The following MACROH2A2 variants were observed in gnomAD, a reference collection of about 807,000 sequenced individuals.
MACROH2A2 encodes the protein macroH2A.2 histone.
MACROH2A2 carries 6 observed loss-of-function variants against 37.6 expected under a neutral mutation model. The ratio of observed to expected loss-of-function variants is 0.16; its 90% confidence interval spans 0.09 to 0.32. The LOEUF (loss-of-function observed/expected upper bound fraction) is 0.32, where lower values mean the gene tolerates loss of function less well. Ranked by LOEUF, MACROH2A2 falls within the 10% of genes least tolerant of loss-of-function variation. The pLI is 1.00. For missense variants in MACROH2A2, 290 were observed against 485.9 expected, an observed-to-expected ratio of 0.60 and a Z score of 3.79; for synonymous variants, 192 against 202.7, an observed-to-expected ratio of 0.95 and a Z score of 0.45.
rs1017527106 is a variant in MACROH2A2, at chr10:70,091,973, T to C, written c.477+19T>C. On this transcript the variant is annotated intron_variant, in intron 4 of 8. Transcript: ENST00000373255. Reference sequence around the variant, plus strand: ...CAAAAAGGTAGGCCGAGGCTGCGTGTCCTGGGCCAGGCACTCCCACTGCAA... The same window carrying C: ...CAAAAAGGTAGGCCGAGGCTGCGTGCCCTGGGCCAGGCACTCCCACTGCAA... The C allele has an allele frequency of 3.1e-6, 5 of 1,599,032 alleles. No homozygotes were observed. The African/African-American group carries it at 5.4e-5, about 17-fold the overall frequency.
intron 7 of MACROH2A2, among the ~76,000 whole-genome samples, chr10:70,101,027 C>G (rs1234444683): frequency 6.6e-6 from 1 of 152,146 alleles, no homozygotes; most frequent in Non-Finnish European, 1.5e-5. Context: ...ACACAGAAAC[C>G]CTGTTGGGTT....
chr10:70,083,690 G>C lies in MACROH2A2; in HGVS notation c.173-6370G>C, dbSNP rs77149196. Among the ~76,000 whole-genome samples the C allele has an allele frequency of 8.3e-3, 1,252 of 151,408 alleles. 10 individuals carry two copies. The highest frequency in any genetic ancestry group is 0.028 in the African/African-American group (1,150 of 41,174). ...ACTGGCTAGCCCCAGGTTCACATGTGATCATGATGCCAGAGCCACAGTGTC... is the reference window on the plus strand; with the variant it reads ...ACTGGCTAGCCCCAGGTTCACATGTCATCATGATGCCAGAGCCACAGTGTC... On this transcript the variant is annotated intron_variant, in intron 2 of 8. Coordinates refer to ENST00000373255, the MANE Select transcript of MACROH2A2 (RefSeq NM_018649.3).
intron 6 of MACROH2A2, among the ~76,000 whole-genome samples, chr10:70,097,026 T>A (rs945912962): frequency 2.0e-5 from 3 of 152,154 alleles, no homozygotes; most frequent in Non-Finnish European, 4.4e-5. Flanking sequence ...GTAATGAAAT[T>A]TTTATGTAAG....
intron 1 of MACROH2A2, among the ~76,000 whole-genome samples, chr10:70,054,621 G>C (rs2072003075): frequency 6.6e-6 from 1 of 152,218 alleles, no homozygotes; most frequent in Non-Finnish European, 1.5e-5. Flanking sequence ...CTTCGTGTGT[G>C]TTGTTTTGAA....
intron 1 of MACROH2A2, among the ~76,000 whole-genome samples, chr10:70,066,695 A>G (rs2072080836): frequency 1.3e-5 from 2 of 152,188 alleles, no homozygotes; most frequent in Admixed American, 6.5e-5. Flanking sequence ...TGGATCCTAT[A>G]TTTGTGAATT....
intron 2 of MACROH2A2, among the ~76,000 whole-genome samples, chr10:70,079,129 G>A (rs144228182): frequency 1.3e-5 from 2 of 152,244 alleles, no homozygotes; most frequent in Non-Finnish European, 2.9e-5. Context: ...GAGGAACTTC[G>A]GGAACTGCGG....
intron 7 of MACROH2A2, among the ~76,000 whole-genome samples, chr10:70,100,864 G>A (rs897969029): frequency 2.0e-5 from 3 of 152,060 alleles, no homozygotes; most frequent in African/African-American, 2.4e-5. Flanking sequence ...TGATCCACCC[G>A]CCTTGGCCTC....
intron 8 of MACROH2A2, 40 bp downstream of exon 8, chr10:70,109,247 TC>T (rs766987899): frequency 6.4e-7 from 1 of 1,552,890 alleles, no homozygotes; most frequent in Admixed American, 1.7e-5. Flanking sequence ...TCCGGCTTTT[TC>T]CCTGGAAATC....
At chr10:70,109,610 A>G (rs1042244191) in intron 8 of MACROH2A2, among the ~76,000 whole-genome samples, 2 of 152,204 alleles carry the variant, frequency 1.3e-5, no homozygotes, top group Non-Finnish European at 2.9e-5. Flanking sequence ...CTTGCTACTC[A>G]AAGTGTGGTC....
At chr10:70,106,140 T>G (rs573065930) in intron 7 of MACROH2A2, among the ~76,000 whole-genome samples, 8 of 152,332 alleles carry the variant, frequency 5.3e-5, no homozygotes, top group African/African-American at 1.9e-4. Flanking sequence ...CCTTTTGCTG[T>G]GGTGACTCCC....
chr10:70,071,073 G>C (rs1419621123), intron 1 of MACROH2A2, among the ~76,000 whole-genome samples: 2 of 144,840 alleles, frequency 1.4e-5, no homozygotes, highest in East Asian at 4.2e-4. Flanking sequence ...GTGTGCATGT[G>C]CATGAGTGTG....
chr10:70,063,473 A>T (rs16927231), intron 1 of MACROH2A2, among the ~76,000 whole-genome samples: 6,340 of 152,282 alleles, frequency 0.042, 427 homozygotes, highest in East Asian at 0.24. Flanking sequence ...GCAAAATTTT[A>T]TATTCTTCAA....
intron 1 of MACROH2A2, among the ~76,000 whole-genome samples, chr10:70,059,015 A>G (rs2072034640): frequency 6.6e-6 from 1 of 152,156 alleles, no homozygotes; most frequent in South Asian, 2.1e-4. Flanking sequence ...CCTAGATATA[A>G]AATCAAGCAG....
At chr10:70,074,273 G>T (rs2072127539) in intron 1 of MACROH2A2, among the ~76,000 whole-genome samples, 1 of 152,160 alleles carries the variant, frequency 6.6e-6, no homozygotes, top group Non-Finnish European at 1.5e-5. Context: ...TTCTCTCTTA[G>T]TTCCTGGTGC....
intron 7 of MACROH2A2, among the ~76,000 whole-genome samples, chr10:70,102,898 A>G (rs7914787): frequency 0.26 from 38,482 of 150,236 alleles, 6,188 homozygotes; most frequent in African/African-American, 0.45. Context: ...CCATGTAGAC[A>G]GAGACAGGAG....
At chr10:70,084,929 T>G (rs2072202027) in intron 2 of MACROH2A2, among the ~76,000 whole-genome samples, 1 of 152,152 alleles carries the variant, frequency 6.6e-6, no homozygotes, top group Non-Finnish European at 1.5e-5. Flanking sequence ...AGGTACCTAT[T>G]GGGTCACCAG....
intron 7 of MACROH2A2, among the ~76,000 whole-genome samples, chr10:70,103,290 C>G (rs1305748443): frequency 6.6e-6 from 1 of 152,140 alleles, no homozygotes; most frequent in Non-Finnish European, 1.5e-5. Context: ...GGGGAAGGTT[C>G]CCCAGAAACT....
intron 8 of MACROH2A2, among the ~76,000 whole-genome samples, chr10:70,110,677 G>C (rs1032653557): frequency 1.3e-5 from 2 of 151,556 alleles, no homozygotes; most frequent in African/African-American, 4.9e-5. Context: ...TTGAGGCCAG[G>C]AGTTCGAGAC....
rs1177729095 is a variant in MACROH2A2, at chr10:70,107,515, C to G, written c.779-1518C>G. 1.3e-5 allele frequency among the ~76,000 whole-genome samples: 2 copies of G among 152,218 alleles called. No individual in the cohort carries two copies. Among genetic ancestry groups the G allele is most frequent in the Admixed American group, 6.5e-5 (1 of 15,290 alleles). On this transcript the variant is annotated intron_variant, in intron 7 of 8. Coordinates refer to ENST00000373255, the MANE Select transcript of MACROH2A2 (RefSeq NM_018649.3). The surrounding 1 kb of genome is among the most constrained non-coding windows in gnomAD (Gnocchi z 4.4). ...GCGTGGGGGCAAGCATGGCTCATGG[C>G]TGAAGCTGCAGCTGCCTCAGGCAGA...
Sources: gnomAD v4.1 joint callset for allele counts (sites outside exome capture counted in the v4.1 genomes callset) on GRCh38, gnomAD v4.1.1 for gene constraint, Gnocchi (gnomAD v3.1) non-coding constraint, MANE v1.5 for transcripts, NCBI Gene and HGNC (gene_info 2026-07-23, HGNC 2026-07-21) for gene names.